The following DGKB variants were observed in gnomAD, a reference collection of about 807,000 sequenced individuals.
The protein encoded by DGKB is diacylglycerol kinase beta, also known as 90 kDa diacylglycerol kinase.
Under a neutral mutation model 114.3 loss-of-function variants are expected in DGKB, and 67 were observed. That is an observed-to-expected ratio of 0.59 (90% CI 0.48 to 0.72). DGKB has a LOEUF of 0.72. Among genes scored for constraint, DGKB ranks in the 30% least tolerant of loss-of-function variants. The pLI, the probability that DGKB is intolerant of heterozygous loss-of-function variation, is 0.00. For synonymous variants in DGKB, 398 were observed against 323.1 expected, an observed-to-expected ratio of 1.23 and a Z score of -2.49; for missense variants, 907 against 975.2, an observed-to-expected ratio of 0.93 and a Z score of 0.93.
intron 13 of DGKB, among the ~76,000 whole-genome samples, chr7:14,631,190 G>C (rs1474811594): frequency 6.7e-6 from 1 of 148,188 alleles, no homozygotes; most frequent in Admixed American, 6.8e-5. Context: ...ACCAAGATGG[G>C]TATGAAAAAT....
intron 1 of DGKB, among the ~76,000 whole-genome samples, chr7:14,950,472 T>C (rs988447083): frequency 3.3e-5 from 5 of 151,896 alleles, no homozygotes; most frequent in Non-Finnish European, 5.9e-5. Flanking sequence ...ATCCATAAAC[T>C]TTTTTATTTA....
chr7:14,554,245 C>A (rs1795550221), intron 20 of DGKB, among the ~76,000 whole-genome samples: 1 of 152,150 alleles, frequency 6.6e-6, no homozygotes, highest in South Asian at 2.1e-4. Context: ...CCTAACATTT[C>A]TTGAGCACTA....
intron 23 of DGKB, among the ~76,000 whole-genome samples, chr7:14,265,278 ACACTTT>A (rs1280917554): frequency 7.1e-6 from 1 of 141,278 alleles, no homozygotes; most frequent in Admixed American, 7.2e-5. Flanking sequence ...TGGTTAGCAT[ACACTTT>A]CTCAATTTGG....
intron 2 of DGKB, among the ~76,000 whole-genome samples, chr7:14,835,159 C>T (rs139662167): frequency 8.5e-5 from 13 of 152,236 alleles, no homozygotes; most frequent in Non-Finnish European, 1.8e-4. Flanking sequence ...CATGCACTAC[C>T]TAAAACAGTT....
chr7:14,609,965 A>AT (rs1462740121), intron 16 of DGKB, among the ~76,000 whole-genome samples: 2 of 152,062 alleles, frequency 1.3e-5, no homozygotes, highest in South Asian at 4.1e-4. Flanking sequence ...TGGCTTGAAT[A>AT]TTTTTTTAAG....
chr7:14,777,323 G>C (rs1838348389), intron 2 of DGKB, among the ~76,000 whole-genome samples: 1 of 152,120 alleles, frequency 6.6e-6, no homozygotes, highest in South Asian at 2.1e-4. Flanking sequence ...AGGCATGGTT[G>C]TGTTTTGAAA....
At chr7:14,626,172 A>G (rs1808551285) in intron 14 of DGKB, among the ~76,000 whole-genome samples, 1 of 152,194 alleles carries the variant, frequency 6.6e-6, no homozygotes, top group African/African-American at 2.4e-5. Context: ...TGCTTTCACA[A>G]AAGGGTTGTT....
At chr7:14,356,454 C>G (rs146629216) in intron 21 of DGKB, among the ~76,000 whole-genome samples, 1 of 150,132 alleles carries the variant, frequency 6.7e-6, no homozygotes, top group African/African-American at 2.5e-5. Flanking sequence ...CTCCGCCTTC[C>G]GGGTTTATGC....
chr7:14,846,742 G>C (rs894397698), intron 1 of DGKB, among the ~76,000 whole-genome samples: 3 of 152,198 alleles, frequency 2.0e-5, no homozygotes, highest in African/African-American at 7.2e-5. Flanking sequence ...ACTTTGCTTA[G>C]TTTGTAGCAG....
chr7:14,415,892 G>A (rs1259662307), intron 21 of DGKB, among the ~76,000 whole-genome samples: 7 of 152,156 alleles, frequency 4.6e-5, no homozygotes, highest in Non-Finnish European at 1.0e-4. Context: ...CACCTACAGT[G>A]TAAAAGTGTT....
At chr7:14,788,699 C>T (rs773534756) in intron 2 of DGKB, among the ~76,000 whole-genome samples, 1 of 152,108 alleles carries the variant, frequency 6.6e-6, no homozygotes, top group African/African-American at 2.4e-5. Flanking sequence ...AAGTTTCTTG[C>T]CCACCTTTTC....
At chr7:14,894,792 T>C (rs1053983673) in intron 1 of DGKB, among the ~76,000 whole-genome samples, 1 of 151,600 alleles carries the variant, frequency 6.6e-6, no homozygotes, top group Non-Finnish European at 1.5e-5. Flanking sequence ...TCAGAATATG[T>C]GGTCTAGTAG....
intron 1 of DGKB, among the ~76,000 whole-genome samples, chr7:14,920,519 A>G (rs1191471497): frequency 1.3e-5 from 2 of 152,228 alleles, no homozygotes; most frequent in African/African-American, 2.4e-5. Context: ...AGGAAGTAGA[A>G]CAACCAGAAC....
At chr7:14,154,363 A>G (rs1183793627) in intron 25 of DGKB, among the ~76,000 whole-genome samples, 1 of 151,958 alleles carries the variant, frequency 6.6e-6, no homozygotes, top group Non-Finnish European at 1.5e-5. Context: ...AAACAAAATT[A>G]TTATATACTT....
At chr7:14,612,185 A>ATTTTATTTTATTTTATTTTAT (rs377174515) in intron 16 of DGKB, among the ~76,000 whole-genome samples, 3 of 149,720 alleles carry the variant, frequency 2.0e-5, no homozygotes, top group Non-Finnish European at 3.0e-5. Flanking sequence ...ATTTTATTTT[A>ATTTTATTTTATTTTATTTTAT]TTTATTTGAG....
chr7:14,315,913 C>T (rs1478761425), intron 23 of DGKB, among the ~76,000 whole-genome samples: 1 of 151,568 alleles, frequency 6.6e-6, no homozygotes, highest in African/African-American at 2.4e-5. Flanking sequence ...TGTAAAAGAA[C>T]AGAAATTATA....
intron 1 of DGKB, among the ~76,000 whole-genome samples, chr7:14,862,649 A>G (rs1851153136): frequency 6.6e-6 from 1 of 152,064 alleles, no homozygotes; most frequent in African/African-American, 2.4e-5. Flanking sequence ...TAATTACACT[A>G]TACTCTGTTG....
chr7:14,735,889 T>C (rs767288538), intron 5 of DGKB, among the ~76,000 whole-genome samples, 152 bp downstream of exon 5: 1 of 152,242 alleles, frequency 6.6e-6, no homozygotes, highest in Non-Finnish European at 1.5e-5. Context: ...ACTGGAAACA[T>C]TTTAAATGAG....
chr7:14,240,100 G>A (rs1793420719), intron 23 of DGKB, among the ~76,000 whole-genome samples: 2 of 152,188 alleles, frequency 1.3e-5, no homozygotes, highest in Admixed American at 6.6e-5. Context: ...GCACATATAT[G>A]TTCTGTATCT....
Sources: gnomAD v4.1 joint callset for allele counts (sites outside exome capture counted in the v4.1 genomes callset) on GRCh38, gnomAD v4.1.1 for gene constraint, MANE v1.5 for transcripts, NCBI Gene and HGNC (gene_info 2026-07-23, HGNC 2026-07-21) for gene names.